The following THSD4 variants were observed in gnomAD, a reference collection of about 807,000 sequenced individuals.
THSD4 encodes thrombospondin type-1 domain-containing protein 4.
THSD4 carries 69 observed loss-of-function variants against 119.0 expected under a neutral mutation model. That is an observed-to-expected ratio of 0.58 (90% CI 0.48 to 0.71). The LOEUF is 0.71. THSD4 is among the 30% of genes least tolerant of loss of function. The probability of loss-of-function intolerance (pLI) is 0.00; values close to 1 mark genes in which losing one functional copy is unlikely to be tolerated. For synonymous variants in THSD4, 524 were observed against 540.4 expected (o/e 0.97, Z 0.42); for missense variants, 1,393 against 1,391.1 (o/e 1.00, Z -0.02).
rs532758122 is a variant in THSD4, at chr15:71,580,746, G to A, written c.1153-79784G>A. ...CTATAAGTGAGATCATGCAGTATTT[G>A]TCTTTGTGTATCTGACTCATTTCAC... On this transcript the variant is annotated intron_variant, in intron 7 of 17. Transcript: ENST00000261862. Among the ~76,000 whole-genome samples the A allele has an allele frequency of 9.2e-5, 14 of 152,164 alleles. No individual in the cohort carries two copies. In the South Asian group the frequency reaches 2.9e-3, roughly 32 times the overall value.
chr15:71,188,815 C>T (rs966347159), intron 3 of THSD4: 1 of 152,606 alleles, frequency 6.6e-6, no homozygotes, highest in Non-Finnish European at 1.5e-5. Flanking sequence ...GATACACTTA[C>T]AGGAGCAGGC....
chr15:71,472,018 A>C (rs1324524961), intron 7 of THSD4, among the ~76,000 whole-genome samples: 1 of 152,080 alleles, frequency 6.6e-6, no homozygotes, highest in Admixed American at 6.5e-5. Flanking sequence ...GGGCTCAAAC[A>C]ATCCCTCCAC....
At chr15:71,353,397 A>G (rs1043659827) in intron 6 of THSD4, among the ~76,000 whole-genome samples, 1 of 152,160 alleles carries the variant, frequency 6.6e-6, no homozygotes, top group Non-Finnish European at 1.5e-5. Context: ...CCATCATGTG[A>G]TTCAGCTTTT....
At chr15:71,207,514 A>G (rs967861101) in intron 3 of THSD4, among the ~76,000 whole-genome samples, 4 of 152,158 alleles carry the variant, frequency 2.6e-5, no homozygotes, top group South Asian at 2.1e-4. Flanking sequence ...TTTTATGCAT[A>G]TATTGTAATA....
At chr15:71,682,387 C>G (rs1178015261) in intron 8 of THSD4, among the ~76,000 whole-genome samples, 1 of 152,180 alleles carries the variant, frequency 6.6e-6, no homozygotes, top group Non-Finnish European at 1.5e-5. Context: ...CACTAGTACT[C>G]AGATGAAGAA....
Position 71,749,555 on chromosome 15 carries a change from C to T in THSD4, c.2415+961C>T, listed in dbSNP as rs1324519290. ...CCTCTCGGATACACTAGTTCTGCCCCACTTCCCTTGCTAGAATCCCGTGCG... is the reference window on the plus strand; with the variant it reads ...CCTCTCGGATACACTAGTTCTGCCCTACTTCCCTTGCTAGAATCCCGTGCG... On this transcript the variant is annotated intron_variant, in intron 14 of 17. Transcript: ENST00000261862. Among the ~76,000 whole-genome samples the T allele has an allele frequency of 2.0e-5, 3 of 152,152 alleles. No homozygotes were observed. In the East Asian group the frequency reaches 5.8e-4, roughly 29 times the overall value.
chr15:71,241,830 TG>T (rs1272574834), intron 4 of THSD4, among the ~76,000 whole-genome samples: 6 of 152,210 alleles, frequency 3.9e-5, no homozygotes, highest in African/African-American at 9.6e-5. Flanking sequence ...GGGCGTCATG[TG>T]GCCCAGGATG....
chr15:71,345,917 T>C (rs1276885786), intron 6 of THSD4, among the ~76,000 whole-genome samples: 2 of 152,050 alleles, frequency 1.3e-5, no homozygotes, highest in Non-Finnish European at 2.9e-5. Flanking sequence ...ATGTGATACA[T>C]TGCCACTCCC....
chr15:71,608,237 AATATAT>A (rs1555431559), intron 7 of THSD4, among the ~76,000 whole-genome samples: 6 of 111,610 alleles, frequency 5.4e-5, no homozygotes, highest in Admixed American at 1.1e-4. Flanking sequence ...AAAAAAAAAA[AATATAT>A]ATATATACAC....
At chr15:71,417,027 G>A (rs1219232713) in intron 7 of THSD4, among the ~76,000 whole-genome samples, 1 of 108,544 alleles carries the variant, frequency 9.2e-6, no homozygotes, top group African/African-American at 3.1e-5. Context: ...CCAAAGTGCT[G>A]GGATTACAGG....
intron 3 of THSD4, among the ~76,000 whole-genome samples, chr15:71,166,615 G>A (rs530920287): frequency 6.6e-6 from 1 of 152,254 alleles, no homozygotes; most frequent in South Asian, 2.1e-4. Context: ...CCATGTGGCA[G>A]AGGGAGGATA....
chr15:71,574,304 C>T (rs2049409288), intron 7 of THSD4, among the ~76,000 whole-genome samples: 1 of 152,088 alleles, frequency 6.6e-6, no homozygotes, highest in South Asian at 2.1e-4. Flanking sequence ...TTGCAACAAC[C>T]CTGGTAGATA....
At chr15:71,689,172 A>C (rs763689772) in intron 8 of THSD4, among the ~76,000 whole-genome samples, 3 of 152,234 alleles carry the variant, frequency 2.0e-5, no homozygotes, top group African/African-American at 7.2e-5. Flanking sequence ...GGAAATTTCT[A>C]CGAAGTGTTT....
chr15:71,150,001 T>G (rs2040704447), intron 2 of THSD4, among the ~76,000 whole-genome samples: 1 of 152,144 alleles, frequency 6.6e-6, no homozygotes, highest in Non-Finnish European at 1.5e-5. Flanking sequence ...ACTTTTTTTT[T>G]TTGTTTGGTG....
chr15:71,272,544 A>G (rs2044544303), intron 6 of THSD4, among the ~76,000 whole-genome samples: 1 of 152,148 alleles, frequency 6.6e-6, no homozygotes, highest in African/African-American at 2.4e-5. Context: ...GGAAATACAA[A>G]TTAAAACTAC....
chr15:71,107,369 AGAAG>A (rs1158059620), intron 1 of THSD4, among the ~76,000 whole-genome samples: 5 of 152,276 alleles, frequency 3.3e-5, no homozygotes, highest in East Asian at 3.9e-4. Flanking sequence ...AAGGAAAGAG[AGAAG>A]GAAGGAAGGA....
intron 7 of THSD4, among the ~76,000 whole-genome samples, chr15:71,612,032 G>A (rs2050240088): frequency 6.6e-6 from 1 of 152,220 alleles, no homozygotes; most frequent in Non-Finnish European, 1.5e-5. Context: ...TGTACCAGCT[G>A]CAGCTAAGAC....
intron 15 of THSD4, among the ~76,000 whole-genome samples, chr15:71,760,361 A>G (rs2053609576): frequency 6.6e-6 from 1 of 152,224 alleles, no homozygotes; most frequent in South Asian, 2.1e-4. Context: ...GGCAGAGACC[A>G]AGGAGTTTCT....
intron 6 of THSD4, among the ~76,000 whole-genome samples, chr15:71,411,384 A>C (rs2046684950): frequency 6.6e-6 from 1 of 152,184 alleles, no homozygotes; most frequent in Admixed American, 6.5e-5. Context: ...TAGAGACAGA[A>C]AGTAGATTGG....
Sources: gnomAD v4.1 joint callset for allele counts (sites outside exome capture counted in the v4.1 genomes callset) on GRCh38, gnomAD v4.1.1 for gene constraint, MANE v1.5 for transcripts, NCBI Gene and HGNC (gene_info 2026-07-23, HGNC 2026-07-21) for gene names.